DDX10: variants seen among roughly 807,000 people sequenced by gnomAD.
DDX10 encodes the protein probable ATP-dependent RNA helicase DDX10.
In DDX10, 74 loss-of-function variants were observed where a neutral mutation model predicts 104.3. The observed-to-expected ratio is 0.71, with a 90% CI of 0.59 to 0.86. DDX10 has a LOEUF of 0.86. Among genes scored for constraint, DDX10 ranks in the 40% least tolerant of loss-of-function variants. The pLI, the probability that DDX10 is intolerant of heterozygous loss-of-function variation, is 0.00. For missense variants in DDX10, 952 were observed against 1,040.0 expected (o/e 0.92, Z 1.16); for synonymous variants, 351 against 353.4 (o/e 0.99, Z 0.08).
intron 15 of DDX10, among the ~76,000 whole-genome samples, chr11:108,843,422 T>C (rs185053764): frequency 6.6e-6 from 1 of 151,594 alleles, no homozygotes; most frequent in East Asian, 1.9e-4. Context: ...TAAAATGTTT[T>C]GGAATGAATA....
chr11:108,721,798 T>A (rs2094298735), intron 12 of DDX10, among the ~76,000 whole-genome samples: 1 of 152,198 alleles, frequency 6.6e-6, no homozygotes, highest in Non-Finnish European at 1.5e-5. Context: ...TGCAGGTCAT[T>A]GTACTAGATG....
intron 13 of DDX10, among the ~76,000 whole-genome samples, chr11:108,735,937 G>A (rs1310276230): frequency 6.6e-6 from 1 of 152,142 alleles, no homozygotes; most frequent in African/African-American, 2.4e-5. Flanking sequence ...TTTAGTGAAA[G>A]TGAAGTATAA....
At chr11:108,696,262 C>T (rs7948143) in intron 9 of DDX10, among the ~76,000 whole-genome samples, 8,117 of 152,054 alleles carry the variant, frequency 0.053, 715 homozygotes, top group African/African-American at 0.18. Context: ...CTGCAACCTC[C>T]GCCTCCCGGG....
chr11:108,895,771 C>T (rs1415048423), intron 16 of DDX10, among the ~76,000 whole-genome samples: 1 of 151,996 alleles, frequency 6.6e-6, no homozygotes, highest in East Asian at 1.9e-4. Context: ...CGTAGATGCC[C>T]AGATACCAAC....
At chr11:108,757,653 A>G (rs987747708) in intron 13 of DDX10, among the ~76,000 whole-genome samples, 1 of 152,046 alleles carries the variant, frequency 6.6e-6, no homozygotes, top group Non-Finnish European at 1.5e-5. Context: ...CCCTTCGACT[A>G]CATTTTTCCA....
intron 13 of DDX10, among the ~76,000 whole-genome samples, chr11:108,771,084 G>C (rs372922545): frequency 5.3e-5 from 8 of 152,226 alleles, no homozygotes; most frequent in African/African-American, 1.9e-4. Flanking sequence ...GTTTTGATTT[G>C]TATTTCTCTG....
intron 13 of DDX10, among the ~76,000 whole-genome samples, chr11:108,787,137 A>T (rs1254230338): frequency 6.6e-6 from 1 of 152,126 alleles, no homozygotes; most frequent in Non-Finnish European, 1.5e-5. Context: ...CTTGGCTGTA[A>T]TTTATTTTCT....
chr11:108,903,583 A>T (rs1486069348), intron 16 of DDX10, among the ~76,000 whole-genome samples: 1 of 152,154 alleles, frequency 6.6e-6, no homozygotes, highest in Admixed American at 6.6e-5. Flanking sequence ...ATAAAATATT[A>T]TATTAGGTAT....
intron 6 of DDX10, among the ~76,000 whole-genome samples, chr11:108,682,874 G>A (rs1198313551): frequency 2.0e-5 from 3 of 151,688 alleles, no homozygotes; most frequent in Non-Finnish European, 4.4e-5. Context: ...AGCCTATCTT[G>A]GCAGTTTTTT....
At chr11:108,777,210 G>A (rs1404379853) in intron 13 of DDX10, among the ~76,000 whole-genome samples, 1 of 152,112 alleles carries the variant, frequency 6.6e-6, no homozygotes, top group Non-Finnish European at 1.5e-5. Context: ...ATTCTTTGTT[G>A]GATTTGTAAT....
At chr11:108,886,697 A>G (rs1369532857) in intron 16 of DDX10, among the ~76,000 whole-genome samples, 2 of 152,232 alleles carry the variant, frequency 1.3e-5, no homozygotes, top group African/African-American at 2.4e-5. Context: ...TAGACAGGAG[A>G]TAAGAAAGAT....
intron 13 of DDX10, among the ~76,000 whole-genome samples, chr11:108,753,777 A>G (rs187344275): frequency 1.8e-4 from 27 of 152,148 alleles, no homozygotes; most frequent in Admixed American, 7.9e-4. Flanking sequence ...GAAGTTTTAT[A>G]TTACATGAGT....
At position 108,940,753 on chromosome 11, in the gene DDX10, A is replaced by G. The variant is rs7103944; in HGVS notation, c.*330A>G. ...TGGCAAGTTCTGGAGCTCTTGTGTC[A>G]TTGTTAGAAATCCCTGTCTTGCTTA... On this transcript the variant is annotated 3_prime_UTR_variant, in exon 18 of 18. Coordinates refer to ENST00000322536, the MANE Select transcript of DDX10 (RefSeq NM_004398.4). 2.2e-3 allele frequency: 557 copies of G among 253,336 alleles called. 5 individuals are homozygous for G. Among genetic ancestry groups the G allele is most frequent in the African/African-American group, 0.011 (526 of 46,032 alleles). 15.7% of individuals were successfully genotyped at this position (253,336 alleles called of 1,614,324 possible).
chr11:108,912,338 AT>A (rs1212646888), intron 16 of DDX10, among the ~76,000 whole-genome samples: 5 of 152,184 alleles, frequency 3.3e-5, no homozygotes, highest in African/African-American at 9.7e-5. Flanking sequence ...ATTGTGCATT[AT>A]AATACCCCTG....
In DDX10 at chr11:108,917,907, G is replaced by GTGATGA. The variant is rs373041499; in HGVS notation, c.2360_2365dup (p.Asp787_Asp788dup). 9.6e-3 allele frequency: 15,423 copies of GTGATGA among 1,610,888 alleles called. 273 individuals are homozygous for GTGATGA. The highest frequency in any genetic ancestry group is 0.072 in the African/African-American group (5,414 of 74,780). On this transcript the variant is annotated inframe_insertion, in exon 17 of 18. Transcript: ENST00000322536. ...GAAGAGGAAGCCTTTCTGGATTGGA[G>GTGATGA]TGATGATGATGATGATGATGATGAT...
intron 17 of DDX10, among the ~76,000 whole-genome samples, chr11:108,924,649 T>G (rs1041879181): frequency 6.6e-6 from 1 of 152,230 alleles, no homozygotes; most frequent in Non-Finnish European, 1.5e-5. Flanking sequence ...GTGAGGTAGA[T>G]GAACTGCTTT....
At chr11:108,694,867 T>G (rs2094257578) in intron 9 of DDX10, among the ~76,000 whole-genome samples, 1 of 151,654 alleles carries the variant, frequency 6.6e-6, no homozygotes, top group Non-Finnish European at 1.5e-5. Context: ...GGCGACAGAG[T>G]GATGCTCTGT....
chr11:108,729,184 G>A (rs1360803932), intron 13 of DDX10, among the ~76,000 whole-genome samples: 1 of 152,032 alleles, frequency 6.6e-6, no homozygotes, highest in Admixed American at 6.6e-5. Context: ...ACATATTAGG[G>A]CATAAGATGA....
intron 16 of DDX10, among the ~76,000 whole-genome samples, chr11:108,873,451 A>G (rs1368606997): frequency 1.3e-5 from 2 of 152,176 alleles, no homozygotes; most frequent in Non-Finnish European, 2.9e-5. Flanking sequence ...TTGAATGACT[A>G]AACAACCCCT....
Sources: allele counts gnomAD v4.1 joint callset (sites outside exome capture counted in the v4.1 genomes callset), GRCh38; gene constraint gnomAD v4.1.1; transcripts MANE v1.5; gene names NCBI Gene and HGNC (gene_info 2026-07-23, HGNC 2026-07-21).